The following NCALD variants were observed in gnomAD, a reference collection of about 807,000 sequenced individuals.
NCALD encodes neurocalcin delta.
Under a neutral mutation model 18.6 loss-of-function variants are expected in NCALD, and 10 were observed. The ratio of observed to expected loss-of-function variants is 0.54; its 90% CI spans 0.33 to 0.91. The LOEUF (loss-of-function observed/expected upper bound fraction) is 0.91. NCALD is among the 40% of genes least tolerant of loss of function. NCALD has a pLI of 0.03. For missense variants in NCALD, 184 were observed against 247.6 expected (o/e 0.74, Z 1.72); for synonymous variants, 88 against 87.4 (o/e 1.01, Z -0.04).
chr8:101,879,850 C>T (rs1039981105), intron 4 of NCALD, among the ~76,000 whole-genome samples: 1 of 152,190 alleles, frequency 6.6e-6, no homozygotes, highest in Non-Finnish European at 1.5e-5. Context: ...GGTGCATTTA[C>T]AATCCTCCAA....
chr8:101,956,283 T>G (rs1326297202), intron 2 of NCALD, among the ~76,000 whole-genome samples: 4 of 152,176 alleles, frequency 2.6e-5, no homozygotes, highest in Admixed American at 2.0e-4. Flanking sequence ...GCTGGTTACA[T>G]GCCAAGCATG....
In NCALD at chr8:102,116,312, G is replaced by A. The variant is rs1461443689; in HGVS notation, c.-210+7925C>T. 3.3e-5 allele frequency among the ~76,000 whole-genome samples: 5 copies of A among 152,290 alleles called. No homozygotes were observed. In the East Asian group the frequency reaches 9.6e-4, roughly 29 times the overall value. ...AACAAAAACCTCTACTGTGTGTCAA[G>A]GAACCTAGAATCCAGACAGTAAATC... On this transcript the variant is annotated intron_variant, in intron 1 of 6. Coordinates refer to the NCALD transcript ENST00000311028.
At chr8:101,754,848 T>TTGAA (rs758322183) in intron 1 of NCALD, among the ~76,000 whole-genome samples, 86 of 152,008 alleles carry the variant, frequency 5.7e-4, no homozygotes, top group African/African-American at 1.2e-3. Flanking sequence ...CATATGTTTA[T>TTGAA]TGAATGAATG....
intron 4 of NCALD, chr8:101,872,058 G>T: frequency 7.2e-7 from 1 of 1,387,274 alleles, no homozygotes; most frequent in Non-Finnish European, 1.0e-6. Flanking sequence ...CAAATACCAT[G>T]GGCAGATTCC....
chr8:102,057,870 C>T (rs1284459398), intron 1 of NCALD, among the ~76,000 whole-genome samples: 2 of 152,196 alleles, frequency 1.3e-5, no homozygotes, highest in African/African-American at 2.4e-5. Flanking sequence ...GAATACTAAG[C>T]TCTTAGAATC....
At chr8:102,015,608 C>G (rs185669785) in intron 2 of NCALD, among the ~76,000 whole-genome samples, 1 of 151,928 alleles carries the variant, frequency 6.6e-6, no homozygotes, top group South Asian at 2.1e-4. Flanking sequence ...ATCCTAACAA[C>G]AAGAAAAGCT....
At chr8:101,924,060 C>T (rs1297694642) in intron 2 of NCALD, among the ~76,000 whole-genome samples, 1 of 152,154 alleles carries the variant, frequency 6.6e-6, no homozygotes, top group Non-Finnish European at 1.5e-5. Flanking sequence ...AGTTCTTCAG[C>T]CTAGGCCTCC....
intron 2 of NCALD, among the ~76,000 whole-genome samples, chr8:101,974,123 C>T (rs1820337493): frequency 1.8e-5 from 1 of 55,786 alleles, no homozygotes. Flanking sequence ...AATAATCCTC[C>T]CCCAAAGCCA....
At chr8:101,776,666 A>C (rs1811805573) in intron 1 of NCALD, among the ~76,000 whole-genome samples, 1 of 152,144 alleles carries the variant, frequency 6.6e-6, no homozygotes, top group Non-Finnish European at 1.5e-5. Flanking sequence ...TGAAAGCTCC[A>C]TTCTAAGCTG....
intron 2 of NCALD, among the ~76,000 whole-genome samples, chr8:101,998,788 G>A (rs1821332689): frequency 6.6e-6 from 1 of 152,108 alleles, no homozygotes; most frequent in Non-Finnish European, 1.5e-5. Context: ...CTCGGAGGCA[G>A]ATTCAGTTTC....
chr8:101,828,604 A>G (rs778884035), intron 4 of NCALD, among the ~76,000 whole-genome samples: 2 of 149,946 alleles, frequency 1.3e-5, no homozygotes, highest in Non-Finnish European at 3.0e-5. Flanking sequence ...AACTTATATA[A>G]CTCATTTTTT....
chr8:101,872,240 G>A, intron 4 of NCALD: 2 of 1,436,586 alleles, frequency 1.4e-6, no homozygotes, highest in Non-Finnish European at 2.0e-6. Context: ...GTAACTTCTT[G>A]AACATAATAC....
chr8:102,122,411 T>C (rs1019193890), intron 1 of NCALD, among the ~76,000 whole-genome samples: 1 of 152,166 alleles, frequency 6.6e-6, no homozygotes, highest in Admixed American at 6.5e-5. Flanking sequence ...GGAATGAGTG[T>C]CCACAGTTTG....
intron 1 of NCALD, among the ~76,000 whole-genome samples, chr8:102,082,226 CTTTTT>C (rs757875219): frequency 1.4e-5 from 1 of 71,830 alleles, no homozygotes; most frequent in Non-Finnish European, 2.4e-5. Context: ...GAAGCTCTCT[CTTTTT>C]TTTTTTTTTT....
At chr8:101,749,250 G>T (rs1019606784) in intron 1 of NCALD, among the ~76,000 whole-genome samples, 1 of 152,162 alleles carries the variant, frequency 6.6e-6, no homozygotes, top group Non-Finnish European at 1.5e-5. Flanking sequence ...CACTTCAATT[G>T]TTTCTAAATT....
At chr8:102,017,865 T>C (rs1822142802) in intron 2 of NCALD, among the ~76,000 whole-genome samples, 1 of 152,002 alleles carries the variant, frequency 6.6e-6, no homozygotes, top group Admixed American at 6.6e-5. Context: ...TAATAAAGAG[T>C]TTGTATCCAG....
At position 102,050,490 on chromosome 8, in the gene NCALD, T is replaced by C. The variant is rs541555843; in HGVS notation, c.-209-30201A>G. 6.0e-5 allele frequency among the ~76,000 whole-genome samples: 9 copies of C among 151,208 alleles called. No homozygotes were observed. In the South Asian group the frequency reaches 1.9e-3, roughly 31 times the overall value. On this transcript the variant is annotated intron_variant, in intron 1 of 6. Coordinates refer to the NCALD transcript ENST00000311028. ...ATTTACTATATGTATTAAATAATGA[T>C]ATTACTTCAATAATATGCTATAGGG...
At chr8:101,767,241 G>C (rs1382500575) in intron 1 of NCALD, among the ~76,000 whole-genome samples, 1 of 152,140 alleles carries the variant, frequency 6.6e-6, no homozygotes, top group East Asian at 1.9e-4. Flanking sequence ...TAAAAATACT[G>C]CAAGTAATAA....
chr8:101,731,345 T>C (rs1351793748), intron 1 of NCALD, among the ~76,000 whole-genome samples: 1 of 152,150 alleles, frequency 6.6e-6, no homozygotes, highest in Admixed American at 6.5e-5. Flanking sequence ...ATAGAGCTGA[T>C]TTATATTGGC....
Sources: gnomAD v4.1 joint callset for allele counts (sites outside exome capture counted in the v4.1 genomes callset) on GRCh38, gnomAD v4.1.1 for gene constraint, MANE v1.5 for transcripts, NCBI Gene and HGNC (gene_info 2026-07-23, HGNC 2026-07-21) for gene names.